ZEB1: variants seen among roughly 807,000 people sequenced by gnomAD.
ZEB1 encodes zinc finger E-box-binding homeobox 1.
In ZEB1, 21 loss-of-function variants were observed where a neutral mutation model predicts 84.9. The ratio of observed to expected loss-of-function variants is 0.25; its 90% CI spans 0.18 to 0.36. The LOEUF is 0.36. Ranked by LOEUF, ZEB1 falls within the 10% of genes least tolerant of loss-of-function variation. ZEB1 has a pLI of 1.00. For missense variants in ZEB1, 1,104 were observed against 1,330.2 expected (o/e 0.83, Z 2.65); for synonymous variants, 420 against 471.1 (o/e 0.89, Z 1.41).
intron 1 of ZEB1, among the ~76,000 whole-genome samples, chr10:31,396,884 A>G (rs1053875181): frequency 1.3e-5 from 2 of 152,148 alleles, no homozygotes; most frequent in Non-Finnish European, 2.9e-5. Context: ...TTTGAAATTA[A>G]AGCAAAAGTT....
chr10:31,369,266 A>C (rs2045235259), intron 1 of ZEB1, among the ~76,000 whole-genome samples: 1 of 152,182 alleles, frequency 6.6e-6, no homozygotes. Flanking sequence ...TTAAAACGTT[A>C]TTATTGACTC....
At chr10:31,326,568 G>A (rs1021159909) in intron 1 of ZEB1, among the ~76,000 whole-genome samples, 6 of 152,192 alleles carry the variant, frequency 3.9e-5, no homozygotes, top group Non-Finnish European at 8.8e-5. Context: ...AAAGCAGACA[G>A]TCAAAGAGAT....
chr10:31,319,562 G>C (rs1308429787), intron 1 of ZEB1: 1 of 442,942 alleles, frequency 2.3e-6, no homozygotes, highest in Non-Finnish European at 3.9e-6. Flanking sequence ...CCGCCTCCCT[G>C]GACCGTTAGC....
At chr10:31,422,742 G>C (rs1197076087) in intron 1 of ZEB1, among the ~76,000 whole-genome samples, 1 of 152,060 alleles carries the variant, frequency 6.6e-6, no homozygotes, top group Admixed American at 6.6e-5. Flanking sequence ...GTGATGCTAA[G>C]GTTTTGGGTG....
At chr10:31,467,908 C>T (rs1370883310) in intron 2 of ZEB1, among the ~76,000 whole-genome samples, 2 of 152,130 alleles carry the variant, frequency 1.3e-5, no homozygotes, top group Non-Finnish European at 2.9e-5. Context: ...AGTCTGGGCA[C>T]AGGTGGTTTG....
At chr10:31,420,614 G>T (rs1433559021) in intron 1 of ZEB1, among the ~76,000 whole-genome samples, 2 of 152,056 alleles carry the variant, frequency 1.3e-5, no homozygotes, top group Non-Finnish European at 2.9e-5. Context: ...ATAGCTGTTT[G>T]GGTACCTTAA....
chr10:31,350,423 A>T (rs1357024044), intron 1 of ZEB1, among the ~76,000 whole-genome samples: 2 of 152,112 alleles, frequency 1.3e-5, no homozygotes, highest in African/African-American at 4.8e-5. Flanking sequence ...ATCTCTATTA[A>T]TAATTTAGGC....
At chr10:31,363,147 G>A in intron 1 of ZEB1, 1 of 1,533,836 alleles carries the variant, frequency 6.5e-7, no homozygotes, top group Non-Finnish European at 8.7e-7. Context: ...CAGGATCCTT[G>A]GGCTGCATGT....
chr10:31,359,995 CTG>C (rs1246924666), intron 1 of ZEB1, among the ~76,000 whole-genome samples: 1 of 152,140 alleles, frequency 6.6e-6, no homozygotes, highest in Non-Finnish European at 1.5e-5. Context: ...TATAAAGTGT[CTG>C]TTTTTTCAAA....
chr10:31,442,280 C>G (rs1210402508), intron 1 of ZEB1, among the ~76,000 whole-genome samples: 5 of 151,974 alleles, frequency 3.3e-5, no homozygotes. Flanking sequence ...AAGCTGGAAA[C>G]CATCATTCTC....
At chr10:31,390,805 C>A (rs2049509945) in intron 1 of ZEB1, among the ~76,000 whole-genome samples, 2 of 152,156 alleles carry the variant, frequency 1.3e-5, no homozygotes, top group African/African-American at 4.8e-5. Flanking sequence ...GGATCCTGAC[C>A]AGTTCAGCAA....
At chr10:31,371,158 C>T (rs992948506) in intron 1 of ZEB1, among the ~76,000 whole-genome samples, 1 of 151,180 alleles carries the variant, frequency 6.6e-6, no homozygotes, top group Non-Finnish European at 1.5e-5. Flanking sequence ...TTATTCACAC[C>T]GAGAGGATCA....
intron 1 of ZEB1, among the ~76,000 whole-genome samples, chr10:31,418,859 T>C (rs78199300): frequency 0.017 from 2,587 of 152,190 alleles, 63 homozygotes; most frequent in African/African-American, 0.059. Flanking sequence ...TGAGTGCCAA[T>C]ATGATGCTCA....
intron 1 of ZEB1, among the ~76,000 whole-genome samples, chr10:31,425,396 A>T (rs1396069586): frequency 6.6e-6 from 1 of 152,072 alleles, no homozygotes; most frequent in African/African-American, 2.4e-5. Context: ...TAATAATCGC[A>T]ATTCAGTTTT....
intron 1 of ZEB1, among the ~76,000 whole-genome samples, chr10:31,331,820 G>A (rs76236391): frequency 0.015 from 2,345 of 152,206 alleles, 46 homozygotes; most frequent in African/African-American, 0.053. Context: ...TAGGGTGAGC[G>A]GAAGAATGGC....
At chr10:31,351,048 A>G (rs1312128347) in intron 1 of ZEB1, among the ~76,000 whole-genome samples, 1 of 152,164 alleles carries the variant, frequency 6.6e-6, no homozygotes, top group Non-Finnish European at 1.5e-5. Context: ...TCTCTTGTAA[A>G]AGGCTCCTTT....
At chr10:31,411,926 A>C (rs1450713353) in intron 1 of ZEB1, among the ~76,000 whole-genome samples, 6 of 152,186 alleles carry the variant, frequency 3.9e-5, no homozygotes, top group Non-Finnish European at 8.8e-5. Context: ...GATTCTTGCA[A>C]ACTTGAATGT....
At chr10:31,378,350 A>G (rs1295699742) in intron 1 of ZEB1, among the ~76,000 whole-genome samples, 1 of 151,622 alleles carries the variant, frequency 6.6e-6, no homozygotes, top group African/African-American at 2.4e-5. Flanking sequence ...TGCTGTGCTT[A>G]TTGAACTACT....
At chr10:31,468,067 G>T (rs982185145) in intron 2 of ZEB1, among the ~76,000 whole-genome samples, 5 of 152,074 alleles carry the variant, frequency 3.3e-5, no homozygotes, top group Non-Finnish European at 5.9e-5. Context: ...AGCTCTTGTG[G>T]CACAGAAGAG....
Sources: allele counts gnomAD v4.1 joint callset (sites outside exome capture counted in the v4.1 genomes callset), GRCh38; gene constraint gnomAD v4.1.1; transcripts MANE v1.5; gene names NCBI Gene and HGNC (gene_info 2026-07-23, HGNC 2026-07-21).